CSGALNACT1: variants seen among roughly 807,000 people sequenced by gnomAD.
CSGALNACT1 encodes the protein beta4GalNAcT-1.
Under a neutral mutation model 51.0 loss-of-function variants are expected in CSGALNACT1, and 52 were observed. The ratio of observed to expected loss-of-function variants is 1.02; its 90% CI spans 0.82 to 1.29. The LOEUF (loss-of-function observed/expected upper bound fraction) is 1.29, where lower values mean the gene tolerates loss of function less well. Among genes scored for constraint, CSGALNACT1 ranks in the 50% most tolerant of loss-of-function variants. The pLI, the probability that CSGALNACT1 is intolerant of heterozygous loss-of-function variation, is 0.00. For missense variants in CSGALNACT1, 935 were observed against 679.2 expected (o/e 1.38, Z -4.19); for synonymous variants, 341 against 254.4 (o/e 1.34, Z -3.24).
chr8:19,624,771 C>T (rs972069590), intron 1 of CSGALNACT1, among the ~76,000 whole-genome samples: 1 of 151,960 alleles, frequency 6.6e-6, no homozygotes, highest in Admixed American at 6.6e-5. Context: ...TTCCGCCTCC[C>T]GGGTTCAAGC....
chr8:19,680,374 G>A (rs1441688923), intron 1 of CSGALNACT1, among the ~76,000 whole-genome samples: 1 of 152,118 alleles, frequency 6.6e-6, no homozygotes, highest in Non-Finnish European at 1.5e-5. Flanking sequence ...TGGCCAACGT[G>A]GCAAAACCCT....
chr8:19,566,907 A>G (rs4921661), intron 3 of CSGALNACT1, among the ~76,000 whole-genome samples: 1 of 152,248 alleles, frequency 6.6e-6, no homozygotes, highest in Non-Finnish European at 1.5e-5. Flanking sequence ...AAGGTTCTCA[A>G]GGGTGAGGCC....
At chr8:19,650,070 G>A (rs1323700118) in intron 1 of CSGALNACT1, among the ~76,000 whole-genome samples, 1 of 152,118 alleles carries the variant, frequency 6.6e-6, no homozygotes, top group Non-Finnish European at 1.5e-5. Context: ...TGTGTATGAT[G>A]AGCATCACCA....
intron 3 of CSGALNACT1, among the ~76,000 whole-genome samples, chr8:19,548,278 C>G (rs1256420629): frequency 2.0e-5 from 3 of 152,120 alleles, no homozygotes; most frequent in South Asian, 4.1e-4. Context: ...AAGTTAGACA[C>G]TAAAATTGCT....
chr8:19,709,474 G>T (rs894490599), intron 1 of CSGALNACT1, among the ~76,000 whole-genome samples: 1 of 152,190 alleles, frequency 6.6e-6, no homozygotes, highest in Non-Finnish European at 1.5e-5. Flanking sequence ...CTTTGGGTTA[G>T]CTGGTGAAGG....
chr8:19,577,401 C>CAAAAAAAAAAAAAAAAAA (rs111734132), intron 3 of CSGALNACT1, among the ~76,000 whole-genome samples: 4 of 104,258 alleles, frequency 3.8e-5, no homozygotes, highest in African/African-American at 1.7e-4. Flanking sequence ...CCCACCTCTA[C>CAAAAAAAAAAAAAAAAAA]AAAAAAAAAA....
At chr8:19,627,752 G>A (rs2054633618) in intron 1 of CSGALNACT1, among the ~76,000 whole-genome samples, 1 of 152,310 alleles carries the variant, frequency 6.6e-6, no homozygotes. Context: ...TTGAGCCTAG[G>A]AGTTCGAGGC....
intron 1 of CSGALNACT1, among the ~76,000 whole-genome samples, chr8:19,716,450 T>C (rs1192153354): frequency 6.6e-6 from 1 of 151,832 alleles, no homozygotes; most frequent in African/African-American, 2.4e-5. Context: ...TCTTCTTTGA[T>C]AATACAGTAC....
At chr8:19,678,646 G>A (rs2060369555) in intron 1 of CSGALNACT1, 1 of 152,126 alleles carries the variant, frequency 6.6e-6, no homozygotes, top group African/African-American at 2.4e-5. Context: ...GCAGCAGAGT[G>A]GAATCACAAC....
At chr8:19,625,592 G>C (rs1003306388) in intron 1 of CSGALNACT1, among the ~76,000 whole-genome samples, 1 of 152,172 alleles carries the variant, frequency 6.6e-6, no homozygotes. Context: ...TCCAGGGCTG[G>C]AGTATAGGAA....
intron 1 of CSGALNACT1, among the ~76,000 whole-genome samples, chr8:19,690,654 C>T (rs1257923002): frequency 6.6e-6 from 1 of 152,188 alleles, no homozygotes; most frequent in East Asian, 1.9e-4. Context: ...AAATACATGG[C>T]TGGAATTCAC....
At chr8:19,644,926 G>A (rs953439577) in intron 1 of CSGALNACT1, among the ~76,000 whole-genome samples, 5 of 152,090 alleles carry the variant, frequency 3.3e-5, no homozygotes, top group Admixed American at 6.6e-5. Context: ...CCATCAGCCA[G>A]GTATTAATAA....
intron 3 of CSGALNACT1, among the ~76,000 whole-genome samples, chr8:19,571,350 G>C (rs1384677584): frequency 6.6e-6 from 1 of 151,984 alleles, no homozygotes; most frequent in African/African-American, 2.4e-5. Context: ...CTATGATTCA[G>C]GGAGTCCTAG....
At position 19,729,079 on chromosome 8, in the gene CSGALNACT1, C is replaced by T. The variant is rs573584462; in HGVS notation, c.-297+28771G>A. On this transcript the variant is annotated intron_variant, in intron 1 of 1. Transcript: ENST00000517494. ...CTCACAAAATATTCCGTGGATAAGT[C>T]CTTAACAATATAAACCAGTTAAATG... is the stretch of plus-strand genomic sequence containing the variant. 2.6e-5 allele frequency among the ~76,000 whole-genome samples: 4 copies of T among 151,624 alleles called. No individual in the cohort carries two copies. In the South Asian group the frequency reaches 6.3e-4, roughly 24 times the overall value.
At chr8:19,552,996 G>A (rs1360146873) in intron 3 of CSGALNACT1, among the ~76,000 whole-genome samples, 4 of 152,128 alleles carry the variant, frequency 2.6e-5, no homozygotes, top group Non-Finnish European at 4.4e-5. Context: ...GAAGGCTCAA[G>A]CACATGACGT....
chr8:19,532,272 C>T (rs572347729), intron 3 of CSGALNACT1, among the ~76,000 whole-genome samples: 1 of 152,214 alleles, frequency 6.6e-6, no homozygotes, highest in South Asian at 2.1e-4. Context: ...GCTTCTTTAT[C>T]CAAGCTATAC....
chr8:19,520,899 C>T lies in CSGALNACT1; in HGVS notation c.-296-14769G>A, dbSNP rs550880882. Among the ~76,000 whole-genome samples, 17 of 152,302 alleles carry T rather than the reference C, an allele frequency of 1.1e-4. No homozygotes were observed. In the South Asian group the frequency reaches 3.5e-3, roughly 32 times the overall value. ...CCACAGCAAATCGGGGTCTCTAGTCCGGTGTTGTCTGTGCTCTTAAGCACC... is the reference window on the plus strand; with the variant it reads ...CCACAGCAAATCGGGGTCTCTAGTCTGGTGTTGTCTGTGCTCTTAAGCACC... On this transcript the variant is annotated intron_variant, in intron 3 of 9. Coordinates refer to ENST00000454498, the Ensembl canonical transcript of CSGALNACT1.
intron 8 of CSGALNACT1, among the ~76,000 whole-genome samples, chr8:19,409,481 G>A (rs1417614800): frequency 7.6e-6 from 1 of 130,730 alleles, no homozygotes; most frequent in Non-Finnish European, 1.6e-5. Flanking sequence ...AAAACTGCAT[G>A]TGTACATATA....
chr8:19,710,262 T>A (rs1443157207), intron 1 of CSGALNACT1, among the ~76,000 whole-genome samples: 1 of 152,114 alleles, frequency 6.6e-6, no homozygotes, highest in Non-Finnish European at 1.5e-5. Context: ...ATATGGGGAG[T>A]GAATAGGGTC....
Sources: gnomAD v4.1 joint callset for allele counts (sites outside exome capture counted in the v4.1 genomes callset) on GRCh38, gnomAD v4.1.1 for gene constraint, MANE v1.5 for transcripts, NCBI Gene and HGNC (gene_info 2026-07-23, HGNC 2026-07-21) for gene names.